The following CDH8 variants were observed in gnomAD, a reference collection of about 807,000 sequenced individuals.
The protein encoded by CDH8 is cadherin-8.
CDH8 carries 17 observed loss-of-function variants against 68.1 expected under a neutral mutation model. The observed-to-expected ratio is 0.25, with a 90% CI of 0.17 to 0.37. The LOEUF is 0.37. Among genes scored for constraint, CDH8 ranks in the 10% least tolerant of loss-of-function variants. CDH8 has a pLI of 1.00. For missense variants in CDH8, 763 were observed against 999.3 expected (o/e 0.76, Z 3.19); for synonymous variants, 372 against 365.1 (o/e 1.02, Z -0.21).
Position 61,947,431 on chromosome 16 carries a change from C to T in CDH8, c.253-45958G>A, listed in dbSNP as rs910075696. 3.3e-5 allele frequency among the ~76,000 whole-genome samples: 5 copies of T among 152,272 alleles called. No homozygotes were observed. The South Asian group carries it at 8.3e-4, about 25-fold the overall frequency. On this transcript the variant is annotated intron_variant, in intron 2 of 11. Transcript: ENST00000577390. ...GGATTCATCAAACCTGTATTGCATT[C>T]CTATCATTTGCCAGAGAAGTTACAC...
chr16:61,655,713 G>A lies in CDH8; in HGVS notation c.1663C>T (p.Leu555Phe), dbSNP rs1394168835. 6.2e-7 allele frequency: 1 copy of A among 1,612,984 alleles called. No individual in the cohort carries two copies. Among genetic ancestry groups the A allele is most frequent in the East Asian group, 2.2e-5 (1 of 44,880 alleles). Residue 555 changes from leucine (L) to phenylalanine (F), a missense_variant, in exon 11 of 12, where the codon CTC becomes TTC. Around this residue, in one of 2 missense-constraint regions of CDH8, gnomAD observed 397 missense variants for 436.2 expected, o/e 0.91. Coordinates refer to ENST00000577390, the MANE Select transcript of CDH8 (RefSeq NM_001796.5). ...FTIKKNEDNS[L>F]SILAKHNGFN... ...CCATTATGCTTTGCCAAAATACTGA[G>A]GGAATTATCTGAAAAAAGTAAAAAT... is the stretch of plus-strand genomic sequence containing the variant.
intron 3 of CDH8, among the ~76,000 whole-genome samples, chr16:61,861,659 T>C (rs554326496): frequency 5.9e-5 from 9 of 152,346 alleles, no homozygotes; most frequent in Non-Finnish European, 8.8e-5. Context: ...AGGATACATG[T>C]GGAGTCAAAA....
chr16:61,962,253 A>C (rs1446782494), intron 2 of CDH8, among the ~76,000 whole-genome samples: 1 of 152,198 alleles, frequency 6.6e-6, no homozygotes, highest in Non-Finnish European at 1.5e-5. Flanking sequence ...GTTCAAACTC[A>C]CATTGTCAAG....
At chr16:61,777,471 G>A (rs1960930240) in intron 8 of CDH8, among the ~76,000 whole-genome samples, 1 of 152,092 alleles carries the variant, frequency 6.6e-6, no homozygotes, top group Admixed American at 6.6e-5. Flanking sequence ...GTAGGTATAG[G>A]TGCGTCTTAT....
intron 8 of CDH8, among the ~76,000 whole-genome samples, chr16:61,732,888 G>GT (rs971336530): frequency 1.3e-5 from 2 of 151,724 alleles, no homozygotes; most frequent in African/African-American, 4.8e-5. Flanking sequence ...AGGTGAGTGG[G>GT]TATGAAAGTG....
intron 9 of CDH8, among the ~76,000 whole-genome samples, chr16:61,718,475 A>T (rs1341945494): frequency 6.6e-6 from 1 of 151,292 alleles, no homozygotes; most frequent in Non-Finnish European, 1.5e-5. Flanking sequence ...CTTTTCTCTA[A>T]ATCCTTCTAT....
At chr16:62,033,949 C>T (rs546144465) in intron 1 of CDH8, among the ~76,000 whole-genome samples, 3 of 152,028 alleles carry the variant, frequency 2.0e-5, no homozygotes, top group Admixed American at 2.0e-4. Context: ...TTCAAATCTG[C>T]TAAAGCAGAA....
intron 10 of CDH8, among the ~76,000 whole-genome samples, chr16:61,671,901 T>A (rs1963804162): frequency 6.6e-6 from 1 of 152,054 alleles, no homozygotes; most frequent in East Asian, 1.9e-4. Flanking sequence ...CCTGTGTAGG[T>A]CACCCTTATG....
intron 10 of CDH8, among the ~76,000 whole-genome samples, chr16:61,703,264 G>A (rs1454264432): frequency 6.6e-6 from 1 of 152,078 alleles, no homozygotes; most frequent in Non-Finnish European, 1.5e-5. Context: ...TTATAATACT[G>A]TTAATATAGG....
intron 2 of CDH8, among the ~76,000 whole-genome samples, chr16:61,978,566 A>G (rs1435796917): frequency 1.3e-5 from 2 of 152,156 alleles, no homozygotes; most frequent in Non-Finnish European, 2.9e-5. Flanking sequence ...TAAATTTAAG[A>G]GATTCAAGTT....
intron 10 of CDH8, among the ~76,000 whole-genome samples, chr16:61,695,712 A>G (rs533088985): frequency 2.0e-5 from 3 of 152,246 alleles, no homozygotes; most frequent in Non-Finnish European, 4.4e-5. Flanking sequence ...TTGATCATCA[A>G]TTCTTAGTAA....
intron 3 of CDH8, among the ~76,000 whole-genome samples, chr16:61,896,687 T>C (rs543825000): frequency 6.6e-6 from 1 of 152,152 alleles, no homozygotes; most frequent in African/African-American, 2.4e-5. Flanking sequence ...AGAGAGGCTG[T>C]AGTCACACAG....
rs1963278803 is a variant in CDH8 at position 61,649,743 on chromosome 16, C to G, written c.*3865G>C. On this transcript the variant is annotated 3_prime_UTR_variant, in exon 12 of 12. Transcript: ENST00000577390. ...CGCATAATACAACTTGTTGGAAGGG[C>G]CTACTTGCCTTCAGTCCTTATGTGG... 2 of 152,024 alleles carry G rather than the reference C, an allele frequency of 1.3e-5. No individual in the cohort carries two copies. The highest frequency in any genetic ancestry group is 4.8e-5 in the African/African-American group (2 of 41,416). The allele number at this position is 152,024 out of a possible 1,614,324, so 9.4% of individuals were successfully genotyped here. A position where few individuals can be genotyped will look rare whatever the true frequency, so the allele number is the denominator to read the frequency against.
Position 61,655,477 on chromosome 16 carries a change from C to A in CDH8, c.1899G>T (p.Leu633Phe), listed in dbSNP as rs369865177. 1.9e-6 allele frequency: 3 copies of A among 1,614,018 alleles called. No individual in the cohort carries two copies. ...ALIAILACII[L>F]LLVIVVLFVT... ...TATGAAGGAAATACGTACCTAACAGCAAAATGATGCATGCTAATATGGCAA... is the reference window on the plus strand; with the variant it reads ...TATGAAGGAAATACGTACCTAACAGAAAAATGATGCATGCTAATATGGCAA... The change falls in exon 11 of 12, where the codon TTG becomes TTT. Residue 633 changes from leucine to phenylalanine, a missense_variant. Physicochemically the swap from Leu to Phe is conservative, Grantham distance 22. This residue lies in a region of CDH8 where 397 missense variants were observed against 436.2 expected (regional missense o/e 0.91). Transcript: ENST00000577390.
chr16:61,919,089 C>G (rs1597065430), intron 2 of CDH8, among the ~76,000 whole-genome samples: 1 of 145,904 alleles, frequency 6.9e-6, no homozygotes, highest in South Asian at 2.3e-4. Context: ...TTCCAACAGA[C>G]CTGCAGCTGA....
intron 3 of CDH8, among the ~76,000 whole-genome samples, chr16:61,860,278 C>G (rs940674826): frequency 2.6e-5 from 4 of 152,090 alleles, no homozygotes; most frequent in African/African-American, 9.7e-5. Flanking sequence ...TTTGGACTTC[C>G]CAGCCTCCAG....
chr16:61,731,124 C>T (rs1040900292), intron 8 of CDH8, among the ~76,000 whole-genome samples: 1 of 151,548 alleles, frequency 6.6e-6, no homozygotes, highest in African/African-American at 2.4e-5. Flanking sequence ...AAAAGCAGGC[C>T]TTGAAGCAGA....
intron 2 of CDH8, among the ~76,000 whole-genome samples, chr16:61,922,880 T>C (rs1249369539): frequency 6.6e-6 from 1 of 152,230 alleles, no homozygotes; most frequent in Non-Finnish European, 1.5e-5. Context: ...TTTATTCTTA[T>C]TGAGAATAGA....
intron 4 of CDH8, among the ~76,000 whole-genome samples, chr16:61,842,844 T>C (rs1267417448): frequency 6.6e-6 from 1 of 152,186 alleles, no homozygotes; most frequent in Admixed American, 6.5e-5. Context: ...CGCTCTTACA[T>C]AAATATTTGC....
Sources: gnomAD v4.1 joint callset for allele counts (sites outside exome capture counted in the v4.1 genomes callset) on GRCh38, gnomAD v4.1.1 for gene constraint, gnomAD v4.1.1 regional missense constraint, MANE v1.5 for transcripts, NCBI Gene and HGNC (gene_info 2026-07-23, HGNC 2026-07-21) for gene names.